The following KCNJ5 variants were observed in gnomAD, a reference collection of about 807,000 sequenced individuals.
KCNJ5 encodes the protein G protein-activated inward rectifier potassium channel 4.
Under a neutral mutation model 20.2 loss-of-function variants are expected in KCNJ5, and 12 were observed. That is an observed-to-expected ratio of 0.59 (90% confidence interval 0.38 to 0.96). The LOEUF (loss-of-function observed/expected upper bound fraction) is 0.96, where lower values mean the gene tolerates loss of function less well. Ranked by LOEUF, KCNJ5 falls within the 40% of genes least tolerant of loss-of-function variation. The pLI is 0.00. For missense variants in KCNJ5, 449 were observed against 557.6 expected, an observed-to-expected ratio of 0.81 and a Z score of 1.96; for synonymous variants, 210 against 213.9, an observed-to-expected ratio of 0.98 and a Z score of 0.16.
intron 2 of KCNJ5, among the ~76,000 whole-genome samples, chr11:128,914,922 C>T (rs1238489250): frequency 1.3e-5 from 2 of 151,944 alleles, no homozygotes; most frequent in Non-Finnish European, 2.9e-5. Context: ...GTTTGGGCCT[C>T]TCTGCCAAGG....
At chr11:128,909,070 G>C (rs959115922) in intron 1 of KCNJ5, among the ~76,000 whole-genome samples, 7 of 152,180 alleles carry the variant, frequency 4.6e-5, no homozygotes, top group Non-Finnish European at 1.0e-4. Flanking sequence ...ATGGCCAATG[G>C]ACATCTGGGA....
intron 1 of KCNJ5, among the ~76,000 whole-genome samples, chr11:128,907,061 A>T (rs2135995174): frequency 1.3e-5 from 2 of 152,306 alleles, no homozygotes; most frequent in South Asian, 4.2e-4. Context: ...GCATTTTCCT[A>T]TGAGTACAGT....
chr11:128,892,500 C>T (rs1031521813), intron 1 of KCNJ5, among the ~76,000 whole-genome samples: 3 of 152,226 alleles, frequency 2.0e-5, no homozygotes, highest in African/African-American at 7.2e-5. Context: ...GGGTGAGCAA[C>T]ACCAGCCCAA....
chr11:128,896,455 C>G (rs1006252520), intron 1 of KCNJ5, among the ~76,000 whole-genome samples: 1 of 152,238 alleles, frequency 6.6e-6, no homozygotes, highest in African/African-American at 2.4e-5. Flanking sequence ...CCACCCTCTC[C>G]TTAACCTCTG....
chr11:128,908,928 A>G (rs1049530140), intron 1 of KCNJ5, among the ~76,000 whole-genome samples: 15 of 152,158 alleles, frequency 9.9e-5, no homozygotes, highest in African/African-American at 3.6e-4. Context: ...GAAGTCTCCC[A>G]CTTAAGGCAG....
Position 128,916,827 on chromosome 11 carries a change from G to A in KCNJ5, c.*96G>A, listed in dbSNP as rs77092337. 2.4e-3 allele frequency: 2,352 copies of A among 969,846 alleles called. 6 individuals are homozygous for A. Among genetic ancestry groups the A allele is most frequent in the Middle Eastern group, 3.3e-3 (10 of 3,054 alleles). 60.1% of individuals were successfully genotyped at this position (969,846 alleles called of 1,614,324 possible). A position where few individuals can be genotyped will look rare whatever the true frequency, so the allele number is the denominator to read the frequency against. On this transcript the variant is annotated 3_prime_UTR_variant, in exon 3 of 3. Coordinates refer to ENST00000529694, the MANE Select transcript of KCNJ5 (RefSeq NM_000890.5). ...GGGGAGGGGAATAGTTGAGTGTGCT[G>A]TTTGGGGGCTCAGGAGCCATCAAGG...
At chr11:128,910,815 A>G (rs1357288039) in intron 1 of KCNJ5, among the ~76,000 whole-genome samples, 2 of 152,252 alleles carry the variant, frequency 1.3e-5, no homozygotes, top group Non-Finnish European at 2.9e-5. Context: ...AGCCTGATTC[A>G]TAAGCAAACA....
intron 2 of KCNJ5, among the ~76,000 whole-genome samples, chr11:128,916,013 ATTGGATGG>A: frequency 1.3e-5 from 1 of 74,770 alleles, no homozygotes; most frequent in East Asian, 4.8e-4. Context: ...TGGATGGATG[ATTGGATGG>A]ATGGATGAAT....
chr11:128,904,760 CTAAT>C, intron 1 of KCNJ5: 1 of 567,264 alleles, frequency 1.8e-6, no homozygotes, highest in Non-Finnish European at 3.1e-6. Flanking sequence ...GGTTCGCTGA[CTAAT>C]TGACTGAGTG....
chr11:128,902,599 G>T (rs776749214), intron 1 of KCNJ5: 1 of 1,613,164 alleles, frequency 6.2e-7, no homozygotes, highest in South Asian at 1.1e-5. Flanking sequence ...CACTGAGGGG[G>T]TAGCCCAGGC....
Position 128,914,920 on chromosome 11 carries a change from C to T in KCNJ5, c.938-1489C>T, listed in dbSNP as rs191376676. Among the ~76,000 whole-genome samples, 43 of 152,078 alleles carry T rather than the reference C, an allele frequency of 2.8e-4. No individual in the cohort carries two copies. The East Asian group carries it at 7.5e-3, about 27-fold the overall frequency. On this transcript the variant is annotated intron_variant, in intron 2 of 2. Coordinates refer to ENST00000529694, the MANE Select transcript of KCNJ5 (RefSeq NM_000890.5). ...AGGCTGCTCAGGGCCCGGTTTGGGC[C>T]TCTCTGCCAAGGCTGTGGGGACAAC...
chr11:128,896,160 A>G (rs2846674), intron 1 of KCNJ5, among the ~76,000 whole-genome samples: 20,822 of 151,398 alleles, frequency 0.14, 1,682 homozygotes, highest in Middle Eastern at 0.23. Flanking sequence ...AATGCCGTTT[A>G]GTGTATTTAT....
chr11:128,899,070 T>A (rs113338660), intron 1 of KCNJ5, among the ~76,000 whole-genome samples: 1 of 152,324 alleles, frequency 6.6e-6, no homozygotes, highest in African/African-American at 2.4e-5. Context: ...ATCTCCTCTT[T>A]CTTGAATCAT....
At chr11:128,898,748 A>G (rs1213512776) in intron 1 of KCNJ5, among the ~76,000 whole-genome samples, 1 of 152,086 alleles carries the variant, frequency 6.6e-6, no homozygotes, top group Non-Finnish European at 1.5e-5. Flanking sequence ...CAGTGGCGCA[A>G]TCTCGGCTCA....
At chr11:128,912,582 C>T (rs1247849489) in intron 2 of KCNJ5, among the ~76,000 whole-genome samples, 2 of 152,160 alleles carry the variant, frequency 1.3e-5, no homozygotes, top group African/African-American at 4.8e-5. Flanking sequence ...CCGATCTCGG[C>T]TCACTGCAAC....
Position 128,916,977 on chromosome 11 carries a change from GC to G in KCNJ5, c.*248del. On this transcript the variant is annotated 3_prime_UTR_variant, in exon 3 of 3. Transcript: ENST00000529694. ...CTTGTAGGTGCTGGCTAAGGGCCAGGCCAGGATGAGTTTCCCCATGGTGAAT... is the reference window on the plus strand; with the variant it reads ...CTTGTAGGTGCTGGCTAAGGGCCAGGCAGGATGAGTTTCCCCATGGTGAAT... The G allele has an allele frequency of 2.1e-6, 1 of 482,072 alleles. No individual in the cohort carries two copies. The highest frequency in any genetic ancestry group is 3.7e-6 in the Non-Finnish European group (1 of 271,812). 29.9% of individuals were successfully genotyped at this position (482,072 alleles called of 1,614,324 possible).
At chr11:128,915,371 T>G (rs1944561797) in intron 2 of KCNJ5, among the ~76,000 whole-genome samples, 1 of 152,192 alleles carries the variant, frequency 6.6e-6, no homozygotes, top group African/African-American at 2.4e-5. Context: ...CCTCTTCCTG[T>G]GTGTATGTGT....
chr11:128,906,338 C>T (rs140762490), intron 1 of KCNJ5, among the ~76,000 whole-genome samples: 1 of 152,212 alleles, frequency 6.6e-6, no homozygotes, highest in Admixed American at 6.5e-5. Context: ...CCTTTCTGTA[C>T]TGGATTTTCT....
intron 1 of KCNJ5, among the ~76,000 whole-genome samples, chr11:128,896,156 G>A (rs899754317): frequency 6.6e-6 from 1 of 151,420 alleles, no homozygotes; most frequent in African/African-American, 2.4e-5. Context: ...CATAAATGCC[G>A]TTTAGTGTAT....
Sources: gnomAD v4.1 joint callset for allele counts (sites outside exome capture counted in the v4.1 genomes callset) on GRCh38, gnomAD v4.1.1 for gene constraint, MANE v1.5 for transcripts, NCBI Gene and HGNC (gene_info 2026-07-23, HGNC 2026-07-21) for gene names.